ABI3BP: variants seen among roughly 807,000 people sequenced by gnomAD.
ABI3BP encodes the protein ABI family member 3 binding protein.
A neutral mutation model predicts 268.6 loss-of-function variants in ABI3BP; 216 were observed. The ratio of observed to expected loss-of-function variants is 0.80; its 90% confidence interval spans 0.72 to 0.90. The LOEUF (loss-of-function observed/expected upper bound fraction) is 0.90. ABI3BP is among the 40% of genes least tolerant of loss of function. ABI3BP has a pLI of 0.00. For missense variants in ABI3BP, 2,090 were observed against 2,182.4 expected (o/e 0.96, Z 0.84); for synonymous variants, 730 against 730.0 (o/e 1.00, Z 0.00).
At chr3:100,772,936 G>T (rs9836360) in intron 61 of ABI3BP, among the ~76,000 whole-genome samples, 1 of 151,756 alleles carries the variant, frequency 6.6e-6, no homozygotes, top group South Asian at 2.1e-4. Context: ...AAAACTATGG[G>T]GATGGTGACG....
chr3:100,780,086 A>T (rs763201701), intron 58 of ABI3BP, 46 bp downstream of exon 58: 1 of 1,588,894 alleles, frequency 6.3e-7, no homozygotes, highest in Admixed American at 1.7e-5. Flanking sequence ...TTACCATCCA[A>T]GTTTCAGAGC....
intron 14 of ABI3BP, among the ~76,000 whole-genome samples, chr3:100,854,963 G>A (rs1385233162): frequency 6.6e-6 from 1 of 150,792 alleles, no homozygotes; most frequent in Non-Finnish European, 1.5e-5. Context: ...ATCTTGCTCT[G>A]TCGCCCAGAC....
In ABI3BP at chr3:100,887,096, G is replaced by T. The variant is rs551587805; in HGVS notation, c.462-773C>A. 4.6e-5 allele frequency among the ~76,000 whole-genome samples: 7 copies of T among 152,058 alleles called. No individual in the cohort carries two copies. The South Asian group carries it at 1.5e-3, about 32-fold the overall frequency. On this transcript the variant is annotated intron_variant, in intron 4 of 67. Coordinates refer to ENST00000471714, the MANE Select transcript of ABI3BP (RefSeq NM_001375547.2). ...CTCATTTTACAAATGTGAAAATGGA[G>T]TTTCAGAACATTCACTTAACTTGCC...
intron 62 of ABI3BP, among the ~76,000 whole-genome samples, chr3:100,766,806 C>T (rs2096287999): frequency 6.6e-6 from 1 of 152,170 alleles, no homozygotes; most frequent in Admixed American, 6.5e-5. Context: ...CAATAAACCC[C>T]ACTCAAAATC....
Position 100,770,969 on chromosome 3 carries a change from C to T in ABI3BP, c.4532-17G>A, listed in dbSNP as rs2149916976. The T allele has an allele frequency of 6.7e-7, 1 of 1,491,330 alleles. No individual in the cohort carries two copies. The highest frequency in any genetic ancestry group is 9.0e-7 in the Non-Finnish European group (1 of 1,115,170). 92.4% of individuals were successfully genotyped at this position (1,491,330 alleles called of 1,614,324 possible). On this transcript the variant is annotated splice_polypyrimidine_tract_variant and intron_variant, in intron 61 of 67. Coordinates refer to ENST00000471714, the MANE Select transcript of ABI3BP (RefSeq NM_001375547.2). ...CATGAGGTCCTACGAGAGAGAGGAC[C>T]CTTGACATTTAACATTTTTGAAACT...
At chr3:100,868,915 T>G (rs2033708) in intron 9 of ABI3BP, among the ~76,000 whole-genome samples, 96,927 of 151,826 alleles carry the variant, frequency 0.64, 31,120 homozygotes, top group South Asian at 0.7. Flanking sequence ...AGAAAAAAAT[T>G]CAGATCATGA....
chr3:100,875,637 T>G, intron 7 of ABI3BP, 58 bp from the exon 8 acceptor site: 1 of 1,257,944 alleles, frequency 7.9e-7, no homozygotes, highest in South Asian at 1.2e-5. Flanking sequence ...AGTAAGAAGC[T>G]AATAATGTGA....
Position 100,816,673 on chromosome 3 carries a change from G to T in ABI3BP, c.3229+15C>A, listed in dbSNP as rs1445277992. The T allele has an allele frequency of 6.5e-7, 1 of 1,534,016 alleles. No homozygotes were observed. The highest frequency in any genetic ancestry group is 1.4e-5 in the African/African-American group (1 of 72,968). ...AGGTTCCTTGGCTACTTAAGCCAAG[G>T]ATTCATACATTTACCCGATTTGTTC... On this transcript the variant is annotated intron_variant, in intron 43 of 67. Coordinates refer to ENST00000471714, the MANE Select transcript of ABI3BP (RefSeq NM_001375547.2).
chr3:100,846,310 A>C, intron 20 of ABI3BP, 62 bp downstream of exon 20: 1 of 1,118,330 alleles, frequency 8.9e-7, no homozygotes, highest in Non-Finnish European at 1.3e-6. Flanking sequence ...GCTCCAAATA[A>C]TTGCAAAGAA....
At chr3:100,754,292 T>C (rs754244574) in intron 64 of ABI3BP, among the ~76,000 whole-genome samples, 13 of 152,354 alleles carry the variant, frequency 8.5e-5, no homozygotes, top group Admixed American at 2.0e-4. Context: ...ACAGCTGTTA[T>C]TAAACTATCA....
chr3:100,764,513 A>G (rs553379083), intron 63 of ABI3BP, among the ~76,000 whole-genome samples: 21 of 152,378 alleles, frequency 1.4e-4, no homozygotes, highest in Non-Finnish European at 2.5e-4. Flanking sequence ...TCATGAGCTA[A>G]TAAGTGCACT....
In ABI3BP at chr3:100,929,852, T is replaced by G. The variant is rs143736287; in HGVS notation, c.80-3371A>C. ...CTCAGTTATTACCAAATTGACTCTT[T>G]CAGTGTCAGCAAAAAGGTTAAGCAA... is the stretch of plus-strand genomic sequence containing the variant. On this transcript the variant is annotated intron_variant, in intron 1 of 67. Coordinates refer to ENST00000471714, the MANE Select transcript of ABI3BP (RefSeq NM_001375547.2). Among the ~76,000 whole-genome samples the G allele has an allele frequency of 7.4e-3, 1,130 of 152,072 alleles. 15 individuals are homozygous for G. Among genetic ancestry groups the G allele is most frequent in the Middle Eastern group, 0.02 (6 of 294 alleles).
At chr3:100,758,644 TTA>T (rs2095766566) in intron 63 of ABI3BP, among the ~76,000 whole-genome samples, 1 of 152,196 alleles carries the variant, frequency 6.6e-6, no homozygotes, top group East Asian at 1.9e-4. Context: ...GAAAAAAATG[TTA>T]TATTAATATT....
chr3:100,775,210 G>A lies in ABI3BP; in HGVS notation c.4459C>T (p.Leu1487=). Residue 1487 remains leucine, a synonymous_variant, in exon 60 of 68, where the codon CTG becomes TTG. Coordinates refer to ENST00000471714, the MANE Select transcript of ABI3BP (RefSeq NM_001375547.2). ...QPTVPASGEE[L]ENITDFSSSP... ...GAGAACTGATGGCCATACGAACCCA[G>A]TTCTTCTCCAGAGGCAGGAACTGTT... 6.2e-7 allele frequency: 1 copy of A among 1,612,780 alleles called. No homozygotes were observed.
At chr3:100,961,485 AAC>A (rs1176752620) in intron 1 of ABI3BP, among the ~76,000 whole-genome samples, 1 of 152,192 alleles carries the variant, frequency 6.6e-6, no homozygotes, top group Non-Finnish European at 1.5e-5. Context: ...GGTCAGACAC[AAC>A]AGTTGATGGG....
intron 51 of ABI3BP, 86 bp downstream of exon 51, chr3:100,804,706 C>A: frequency 8.5e-7 from 1 of 1,173,370 alleles, no homozygotes. Context: ...GAAATATTGA[C>A]CTCACTTCCA....
intron 4 of ABI3BP, among the ~76,000 whole-genome samples, chr3:100,890,559 C>T (rs1337570432): frequency 6.6e-6 from 1 of 152,222 alleles, no homozygotes; most frequent in East Asian, 1.9e-4. Context: ...TCATTCTACC[C>T]CAACAAAATT....
chr3:100,977,850 A>T (rs1215385070), intron 1 of ABI3BP, among the ~76,000 whole-genome samples: 1 of 152,172 alleles, frequency 6.6e-6, no homozygotes, highest in East Asian at 1.9e-4. Flanking sequence ...ACATAAAATA[A>T]ACTGTGTGTT....
At chr3:100,937,514 T>A (rs2066708783) in intron 1 of ABI3BP, among the ~76,000 whole-genome samples, 1 of 151,992 alleles carries the variant, frequency 6.6e-6, no homozygotes, top group Admixed American at 6.6e-5. Flanking sequence ...ACAACATAGT[T>A]GAATCTTTTG....
Sources: allele counts gnomAD v4.1 joint callset (sites outside exome capture counted in the v4.1 genomes callset), GRCh38; gene constraint gnomAD v4.1.1; transcripts MANE v1.5; gene names NCBI Gene and HGNC (gene_info 2026-07-23, HGNC 2026-07-21).